INPP5A: variants seen among roughly 807,000 people sequenced by gnomAD.
INPP5A encodes 43 kDa inositol polyphosphate 5-phophatase.
INPP5A carries 14 observed loss-of-function variants against 65.2 expected under a neutral mutation model. That is an observed-to-expected ratio of 0.21 (90% CI 0.14 to 0.34). The LOEUF is 0.34. INPP5A is among the 10% of genes least tolerant of loss of function. INPP5A has a pLI of 1.00. For missense variants in INPP5A, 431 were observed against 545.6 expected (o/e 0.79, Z 2.09); for synonymous variants, 207 against 208.3 (o/e 0.99, Z 0.05).
At chr10:132,738,493 C>T (rs1158533398) in intron 9 of INPP5A, among the ~76,000 whole-genome samples, 1 of 152,212 alleles carries the variant, frequency 6.6e-6, no homozygotes, top group African/African-American at 2.4e-5. Context: ...ACAGCAGGTG[C>T]TTCTGCCGCC....
intron 2 of INPP5A, among the ~76,000 whole-genome samples, chr10:132,634,013 A>G (rs1381105666): frequency 2.0e-5 from 3 of 152,186 alleles, no homozygotes; most frequent in Admixed American, 6.5e-5. Context: ...ATTCGTGACT[A>G]TTTCAGTAGG....
At chr10:132,768,125 A>G (rs1269502384) in intron 12 of INPP5A, among the ~76,000 whole-genome samples, 4 of 139,184 alleles carry the variant, frequency 2.9e-5, no homozygotes, top group Non-Finnish European at 4.6e-5. Context: ...CAGGGTGCCC[A>G]CGTGCCCATT....
intron 1 of INPP5A, among the ~76,000 whole-genome samples, chr10:132,539,229 C>T (rs995412172): frequency 3.3e-5 from 5 of 152,236 alleles, no homozygotes; most frequent in African/African-American, 1.2e-4. Context: ...TCCTGGATGC[C>T]TGGGTGCCGG....
intron 1 of INPP5A, among the ~76,000 whole-genome samples, chr10:132,579,197 G>A (rs2071449087): frequency 6.6e-6 from 1 of 152,104 alleles, no homozygotes; most frequent in Admixed American, 6.5e-5. Context: ...CTGGAGGCGG[G>A]GGAAGGAGAG....
Position 132,684,686 on chromosome 10 carries a change from C to T in INPP5A, c.307-5706C>T, listed in dbSNP as rs554862898. ...GATCAGGCTCAGAACCACATGCCTGCCTCAGCTCGGGCAGGTGCTTTCACC... is the reference window on the plus strand; with the variant it reads ...GATCAGGCTCAGAACCACATGCCTGTCTCAGCTCGGGCAGGTGCTTTCACC... On this transcript the variant is annotated intron_variant, in intron 4 of 15. Transcript: ENST00000368594. Among the ~76,000 whole-genome samples, 4 of 152,346 alleles carry T rather than the reference C, an allele frequency of 2.6e-5. No homozygotes were observed. In the East Asian group the frequency reaches 7.7e-4, roughly 29 times the overall value.
At chr10:132,751,178 C>G (rs555526414) in intron 11 of INPP5A, among the ~76,000 whole-genome samples, 21 of 152,350 alleles carry the variant, frequency 1.4e-4, no homozygotes, top group African/African-American at 5.1e-4. Flanking sequence ...TGCCTCCTGC[C>G]CCTCATCAAC....
At chr10:132,779,361 G>T (rs1342574410) in intron 13 of INPP5A, among the ~76,000 whole-genome samples, 1 of 152,254 alleles carries the variant, frequency 6.6e-6, no homozygotes, top group Non-Finnish European at 1.5e-5. Context: ...CACCAGCGGG[G>T]CAGGAGCCTC....
At chr10:132,745,427 C>T (rs1590977242) in intron 9 of INPP5A, among the ~76,000 whole-genome samples, 1 of 152,322 alleles carries the variant, frequency 6.6e-6, no homozygotes, top group East Asian at 1.9e-4. Context: ...AGGGGCATCT[C>T]CCAGCCTTCG....
At position 132,549,761 on chromosome 10, in the gene INPP5A, GC is replaced by G. The variant is rs57999809; in HGVS notation, c.75+11595del. 0.032 allele frequency among the ~76,000 whole-genome samples: 4,853 copies of G among 152,344 alleles called. 107 individuals carry two copies. The highest frequency in any genetic ancestry group is 0.062 in the African/African-American group (2,562 of 41,564). The stretch of plus-strand genomic sequence containing the variant: ...ACCCAGCCCAGCCTGGGTTCCTGCA[GC>G]CCCCACTCTCTGCCCCTGGTCTGAA... On this transcript the variant is annotated intron_variant, in intron 1 of 15. Coordinates refer to ENST00000368594, the MANE Select transcript of INPP5A (RefSeq NM_005539.5). The surrounding 1 kb of genome is among the most constrained non-coding windows in gnomAD (Gnocchi z 4.9).
chr10:132,573,463 A>C (rs71481922), intron 1 of INPP5A, among the ~76,000 whole-genome samples: 252 of 51,412 alleles, frequency 4.9e-3, no homozygotes, highest in Admixed American at 7.8e-3. Context: ...GGTTTTGTTG[A>C]GATGTTGGGG....
At chr10:132,573,920 C>G (rs2071383885) in intron 1 of INPP5A, among the ~76,000 whole-genome samples, 1 of 110,968 alleles carries the variant, frequency 9.0e-6, no homozygotes, top group Non-Finnish European at 1.8e-5. Context: ...GGTGTGTGTG[C>G]TGTGTGAGGT....
intron 1 of INPP5A, among the ~76,000 whole-genome samples, chr10:132,544,703 T>G (rs966776108): frequency 6.6e-6 from 1 of 152,090 alleles, no homozygotes; most frequent in African/African-American, 2.4e-5. Flanking sequence ...ACTTTTGGAA[T>G]AAGCCTGGCA....
rs549830270 is a variant in INPP5A at position 132,615,109 on chromosome 10, C to T, written c.117+7153C>T. Among the ~76,000 whole-genome samples the T allele has an allele frequency of 1.8e-3, 273 of 152,322 alleles. 2 individuals are homozygous for T. The highest frequency in any genetic ancestry group is 6.8e-3 in the Middle Eastern group (2 of 294). ...GCTGCACTCAGATGGAGGGATGGTG[C>T]GTGGGGCAAGAGGGAGCCCCGAGTC... On this transcript the variant is annotated intron_variant, in intron 2 of 15. Coordinates refer to ENST00000368594, the MANE Select transcript of INPP5A (RefSeq NM_005539.5).
chr10:132,699,190 G>A (rs1378619582), intron 6 of INPP5A, among the ~76,000 whole-genome samples: 1 of 152,266 alleles, frequency 6.6e-6, no homozygotes, highest in East Asian at 1.9e-4. Flanking sequence ...CCATCGGAAG[G>A]GCAGGGCGGG....
At chr10:132,556,787 TG>T (rs202106022) in intron 1 of INPP5A, among the ~76,000 whole-genome samples, 7 of 151,912 alleles carry the variant, frequency 4.6e-5, no homozygotes, top group African/African-American at 7.2e-5. Context: ...TTTTTTTTTT[TG>T]GTTTTCTATG....
At chr10:132,628,029 C>T (rs1433469517) in intron 2 of INPP5A, among the ~76,000 whole-genome samples, 1 of 152,204 alleles carries the variant, frequency 6.6e-6, no homozygotes, top group East Asian at 1.9e-4. Flanking sequence ...GCGCTCTGAT[C>T]AGCAGCTGCG....
chr10:132,650,221 C>A lies in INPP5A; in HGVS notation c.219-197C>A, dbSNP rs1299675288. ...ACCAGAGCCTGTGGGAGCTTGAGCT[C>A]TGCACATGCTGAGAGCTGAACGTGA... is the stretch of plus-strand genomic sequence containing the variant. On this transcript the variant is annotated intron_variant, in intron 3 of 15. Coordinates refer to ENST00000368594, the MANE Select transcript of INPP5A (RefSeq NM_005539.5). The surrounding 1 kb of genome is among the most constrained non-coding windows in gnomAD (Gnocchi z 5.5). Among the ~76,000 whole-genome samples, 1 of 152,204 alleles carries A rather than the reference C, an allele frequency of 6.6e-6. No individual in the cohort carries two copies. Among genetic ancestry groups the A allele is most frequent in the East Asian group, 1.9e-4 (1 of 5,182 alleles).
intron 1 of INPP5A, among the ~76,000 whole-genome samples, chr10:132,562,744 A>G (rs1434023792): frequency 6.6e-6 from 1 of 152,214 alleles, no homozygotes; most frequent in East Asian, 1.9e-4. Context: ...CTCGAGGGTG[A>G]ATTAAAGTCA....
intron 9 of INPP5A, among the ~76,000 whole-genome samples, chr10:132,745,976 C>T (rs1471884783): frequency 6.8e-6 from 1 of 146,436 alleles, no homozygotes; most frequent in Non-Finnish European, 1.6e-5. Context: ...GCTGCCCACC[C>T]AGCCTCGCCT....
Sources: gnomAD v4.1 joint callset for allele counts (sites outside exome capture counted in the v4.1 genomes callset) on GRCh38, gnomAD v4.1.1 for gene constraint, Gnocchi (gnomAD v3.1) non-coding constraint, MANE v1.5 for transcripts, NCBI Gene and HGNC (gene_info 2026-07-23, HGNC 2026-07-21) for gene names.